The following TXNRD3 variants were observed in gnomAD, a reference collection of about 807,000 sequenced individuals.
TXNRD3 encodes the protein thioredoxin reductase 3.
In TXNRD3, 68 loss-of-function variants were observed where a neutral mutation model predicts 78.2. That is an observed-to-expected ratio of 0.87 (90% CI 0.72 to 1.06). The LOEUF is 1.06. TXNRD3 is among the 50% of genes least tolerant of loss of function. The pLI is 0.00. For missense variants in TXNRD3, 751 were observed against 809.5 expected, an observed-to-expected ratio of 0.93 and a Z score of 0.88; for synonymous variants, 296 against 300.1, an observed-to-expected ratio of 0.99 and a Z score of 0.14.
intron 6 of TXNRD3, among the ~76,000 whole-genome samples, chr3:126,636,244 C>G (rs753651008): frequency 6.6e-6 from 1 of 152,124 alleles, no homozygotes; most frequent in African/African-American, 2.4e-5. Flanking sequence ...CTTGTTTAAT[C>G]TTTTATATAT....
intron 6 of TXNRD3, among the ~76,000 whole-genome samples, chr3:126,640,626 G>T (rs1252891831): frequency 6.6e-6 from 1 of 152,092 alleles, no homozygotes; most frequent in African/African-American, 2.4e-5. Context: ...AGAGACAAGT[G>T]GTTTGTAATT....
At chr3:126,639,884 A>G (rs1387086472) in intron 6 of TXNRD3, among the ~76,000 whole-genome samples, 1 of 151,942 alleles carries the variant, frequency 6.6e-6, no homozygotes, top group Non-Finnish European at 1.5e-5. Flanking sequence ...GTGAGTCACT[A>G]CGCCCAACCA....
chr3:126,608,927 C>T (rs775543806), intron 14 of TXNRD3, among the ~76,000 whole-genome samples: 2 of 152,118 alleles, frequency 1.3e-5, no homozygotes, highest in Non-Finnish European at 2.9e-5. Context: ...TATGCTGAGA[C>T]AATGCTCAAC....
At chr3:126,652,136 T>A (rs1034682136) in intron 1 of TXNRD3, among the ~76,000 whole-genome samples, 2 of 152,122 alleles carry the variant, frequency 1.3e-5, no homozygotes, top group African/African-American at 4.8e-5. Context: ...GATACTGGCA[T>A]CTCCCTGGCT....
intron 1 of TXNRD3, among the ~76,000 whole-genome samples, chr3:126,648,982 T>G (rs1468155305): frequency 6.6e-6 from 1 of 152,152 alleles, no homozygotes; most frequent in Non-Finnish European, 1.5e-5. Context: ...GCCACGGCAC[T>G]CCAGCCTGGG....
At chr3:126,642,682 G>A (rs1194772879) in intron 5 of TXNRD3, among the ~76,000 whole-genome samples, 1 of 152,228 alleles carries the variant, frequency 6.6e-6, no homozygotes, top group Non-Finnish European at 1.5e-5. Context: ...ACAAGAAAGG[G>A]AGAAAGGGAG....
chr3:126,607,963 G>C lies in TXNRD3; in HGVS notation c.1874C>G (p.Thr625Ser). ...TCCTGACGACTTTGTGATTTCCAAA[G>C]TCGTGAACACCTGTTCAAGAGAAAG... is the stretch of plus-strand genomic sequence containing the variant. Residue 625 changes from threonine (T) to serine (S), a missense_variant, in exon 16 of 16, where the codon ACT (threonine) becomes AGT (serine). Thr to Ser is a moderately conservative substitution (Grantham distance 58, BLOSUM62 1). Transcript: ENST00000524230. 1 of 1,503,872 alleles carries C rather than the reference G, an allele frequency of 6.6e-7. No homozygotes were observed. Among genetic ancestry groups the C allele is most frequent in the Non-Finnish European group, 8.9e-7 (1 of 1,123,442 alleles). 93.2% of individuals were successfully genotyped at this position (1,503,872 alleles called of 1,614,324 possible).
intron 13 of TXNRD3, 140 bp from the exon 14 acceptor site, chr3:126,611,272 T>C (rs887702257): frequency 2.3e-5 from 11 of 482,390 alleles, no homozygotes; most frequent in Non-Finnish European, 3.2e-5. Context: ...ACTTTATGTA[T>C]CTGTTGGGAG....
intron 10 of TXNRD3, among the ~76,000 whole-genome samples, chr3:126,626,963 C>T (rs903416254): frequency 6.6e-6 from 1 of 152,018 alleles, no homozygotes; most frequent in Non-Finnish European, 1.5e-5. Flanking sequence ...TGGCATGTGC[C>T]TGTGGTCCTA....
chr3:126,631,843 C>T lies in TXNRD3; in HGVS notation c.892G>A (p.Ala298Thr). The T allele has an allele frequency of 6.5e-7, 1 of 1,535,968 alleles. No individual in the cohort carries two copies. The highest frequency in any genetic ancestry group is 1.2e-5 in the South Asian group (1 of 84,056). Residue 298 changes from alanine (A) to threonine (T), a missense_variant, in exon 8 of 16, where the codon GCT becomes ACT. Physicochemically the swap from Ala to Thr is moderately conservative, Grantham distance 58. Coordinates refer to ENST00000524230, the MANE Select transcript of TXNRD3 (RefSeq NM_052883.3). The stretch of plus-strand genomic sequence containing the variant: ...CCCGTTGCTATGACAAACTGTGCAG[C>T]AGTATAATAAGTCTCCTGTCCTTTT...
At chr3:126,645,962 C>T in intron 3 of TXNRD3, 149 bp downstream of exon 3, 1 of 587,860 alleles carries the variant, frequency 1.7e-6, no homozygotes, top group East Asian at 3.3e-5. Context: ...TCCCTTAAAG[C>T]AATCAGTATT....
intron 1 of TXNRD3, among the ~76,000 whole-genome samples, chr3:126,649,928 G>A (rs529032316): frequency 6.6e-6 from 1 of 152,256 alleles, no homozygotes; most frequent in South Asian, 2.1e-4. Context: ...TGCTGCTGAT[G>A]GTTGCACAAC....
chr3:126,645,937 G>C (rs1448288165), intron 3 of TXNRD3, among the ~76,000 whole-genome samples, 174 bp downstream of exon 3: 2 of 152,152 alleles, frequency 1.3e-5, no homozygotes, highest in Non-Finnish European at 2.9e-5. Flanking sequence ...GTTCAGGCTG[G>C]CAGAAAAGCT....
At chr3:126,634,251 T>C (rs911558017) in intron 6 of TXNRD3, among the ~76,000 whole-genome samples, 200 bp from the exon 7 acceptor site, 1 of 152,126 alleles carries the variant, frequency 6.6e-6, no homozygotes, top group African/African-American at 2.4e-5. Context: ...AATCAAGAGT[T>C]CTGAAAAGAA....
At position 126,611,148 on chromosome 3, in the gene TXNRD3, G is replaced by C. The variant is rs1057221799; in HGVS notation, c.1633-16C>G. ...TATGATATATCTGGAAGATAAAAGA[G>C]AGAAAAAGGGCAGAATTAATGTATA... On this transcript the variant is annotated splice_polypyrimidine_tract_variant and intron_variant, in intron 13 of 15. Coordinates refer to ENST00000524230, the MANE Select transcript of TXNRD3 (RefSeq NM_052883.3). 4 of 1,457,568 alleles carry C rather than the reference G, an allele frequency of 2.7e-6. No homozygotes were observed. Among genetic ancestry groups the C allele is most frequent in the Non-Finnish European group, 3.7e-6 (4 of 1,091,978 alleles). The allele number at this position is 1,457,568 out of a possible 1,614,324, so 90.3% of individuals were successfully genotyped here.
At chr3:126,619,832 A>C (rs1938405586) in intron 12 of TXNRD3, among the ~76,000 whole-genome samples, 1 of 152,334 alleles carries the variant, frequency 6.6e-6, no homozygotes, top group East Asian at 1.9e-4. Flanking sequence ...TATCCCATAA[A>C]TATGTACAAT....
At chr3:126,615,705 A>T (rs558481764) in intron 12 of TXNRD3, among the ~76,000 whole-genome samples, 31 of 152,260 alleles carry the variant, frequency 2.0e-4, no homozygotes, top group African/African-American at 6.5e-4. Flanking sequence ...CCTGGAGCAC[A>T]GACTCGGAGG....
chr3:126,628,391 T>C (rs1419382936), intron 10 of TXNRD3, among the ~76,000 whole-genome samples: 1 of 152,064 alleles, frequency 6.6e-6, no homozygotes, highest in Non-Finnish European at 1.5e-5. Context: ...AGAAACAAAC[T>C]GTTATTATTC....
chr3:126,613,100 AC>A (rs1056249774), intron 13 of TXNRD3, among the ~76,000 whole-genome samples: 4 of 152,184 alleles, frequency 2.6e-5, no homozygotes, highest in African/African-American at 9.7e-5. Flanking sequence ...ACAATTACAG[AC>A]ATAATTTTTA....
Sources: gnomAD v4.1 joint callset for allele counts (sites outside exome capture counted in the v4.1 genomes callset) on GRCh38, gnomAD v4.1.1 for gene constraint, MANE v1.5 for transcripts, NCBI Gene and HGNC (gene_info 2026-07-23, HGNC 2026-07-21) for gene names.